Variants in XRCC4 observed in about 807,000 individuals in gnomAD.
XRCC4 encodes the protein X-ray repair cross complementing 4.
Under a neutral mutation model 39.1 loss-of-function variants are expected in XRCC4, and 28 were observed. That is an observed-to-expected ratio of 0.72 (90% confidence interval 0.53 to 0.98). The LOEUF (loss-of-function observed/expected upper bound fraction) is 0.98, where lower values mean the gene tolerates loss of function less well. Among genes scored for constraint, XRCC4 ranks in the 50% least tolerant of loss-of-function variants. The probability of loss-of-function intolerance (pLI) is 0.00; values close to 1 mark genes in which losing one functional copy is unlikely to be tolerated. For synonymous variants in XRCC4, 123 were observed against 126.4 expected, an observed-to-expected ratio of 0.97 and a Z score of 0.18; for missense variants, 350 against 376.4, an observed-to-expected ratio of 0.93 and a Z score of 0.58.
chr5:83,371,545 G>C, the XRCC4 span, among the ~76,000 whole-genome samples: 8 of 152,302 alleles, frequency 5.3e-5, 1 homozygote, highest in East Asian at 1.4e-3. Flanking sequence ...ATCTGAGAGA[G>C]TGAGGGAGCT....
chr5:83,302,112 AATTTCAAGCCAGT>A (rs1318301822), intron 7 of XRCC4, among the ~76,000 whole-genome samples: 2 of 152,112 alleles, frequency 1.3e-5, no homozygotes, highest in Admixed American at 6.5e-5. Context: ...TGGCAGCAAG[AATTTCAAGCCAGT>A]GGATCCTAGC....
intron 2 of XRCC4, among the ~76,000 whole-genome samples, chr5:83,106,411 C>A (rs138659463): frequency 6.6e-6 from 1 of 151,926 alleles, no homozygotes; most frequent in Non-Finnish European, 1.5e-5. Flanking sequence ...TGGCAAATGG[C>A]GTATTCTGTA....
chr5:83,104,724 A>G (rs1746111404), intron 1 of XRCC4, among the ~76,000 whole-genome samples, 186 bp from the exon 2 acceptor site: 1 of 152,190 alleles, frequency 6.6e-6, no homozygotes, highest in African/African-American at 2.4e-5. Flanking sequence ...GAAAACTGTG[A>G]ATTTACTGAA....
intron 6 of XRCC4, among the ~76,000 whole-genome samples, chr5:83,209,275 C>G (rs1039267127): frequency 1.3e-5 from 2 of 151,962 alleles, no homozygotes; most frequent in African/African-American, 4.8e-5. Context: ...AGAACCTCAA[C>G]AAAATATGTA....
chr5:83,228,157 A>G lies in XRCC4; in HGVS notation c.745+23236A>G, dbSNP rs976048325. Among the ~76,000 whole-genome samples the G allele has an allele frequency of 5.3e-5, 8 of 152,074 alleles. 1 individual carries two copies. The highest frequency in any genetic ancestry group is 3.9e-4 in the Admixed American group (6 of 15,228). ...AACTAGGTATCTATATTTTAAAACTATGCATTTCCTTTATTTATTAAAATG... is the reference window on the plus strand; with the variant it reads ...AACTAGGTATCTATATTTTAAAACTGTGCATTTCCTTTATTTATTAAAATG... On this transcript the variant is annotated intron_variant, in intron 6 of 7. Coordinates refer to ENST00000396027, the MANE Select transcript of XRCC4 (RefSeq NM_003401.5).
At chr5:83,344,373 A>G (rs941421827) in intron 7 of XRCC4, among the ~76,000 whole-genome samples, 2 of 150,374 alleles carry the variant, frequency 1.3e-5, no homozygotes, top group African/African-American at 4.9e-5. Flanking sequence ...AGTAGCTAGC[A>G]CTACAGATGT....
chr5:83,127,491 T>G (rs974799913), intron 3 of XRCC4, among the ~76,000 whole-genome samples: 2 of 152,126 alleles, frequency 1.3e-5, no homozygotes, highest in Non-Finnish European at 2.9e-5. Flanking sequence ...GCCTTTCACC[T>G]TCTGCCATGA....
At chr5:83,234,418 A>T (rs1266164460) in intron 6 of XRCC4, among the ~76,000 whole-genome samples, 1 of 152,058 alleles carries the variant, frequency 6.6e-6, no homozygotes. Flanking sequence ...AATTTTAGAC[A>T]TGAGGTCTCA....
intron 7 of XRCC4, among the ~76,000 whole-genome samples, chr5:83,333,872 C>T (rs1164577571): frequency 6.6e-6 from 1 of 151,592 alleles, no homozygotes; most frequent in Non-Finnish European, 1.5e-5. Context: ...CAGGTTCAAG[C>T]GATTCCCCTG....
At chr5:83,249,361 T>C (rs1349663856) in intron 6 of XRCC4, among the ~76,000 whole-genome samples, 1 of 152,164 alleles carries the variant, frequency 6.6e-6, no homozygotes, top group Non-Finnish European at 1.5e-5. Flanking sequence ...TTAGGACATG[T>C]CTAGTGTTGC....
At chr5:83,309,075 C>A (rs1054098125) in intron 7 of XRCC4, among the ~76,000 whole-genome samples, 66 of 150,174 alleles carry the variant, frequency 4.4e-4, no homozygotes, top group African/African-American at 1.6e-3. Context: ...GTCAGGAGAT[C>A]GAGACCATCC....
rs369970969 is a variant in XRCC4 at position 83,353,118 on chromosome 5, T to G, written c.894-13T>G. 273 of 1,563,166 alleles carry G rather than the reference T, an allele frequency of 1.7e-4. No individual in the cohort carries two copies. The highest frequency in any genetic ancestry group is 2.1e-4 in the Non-Finnish European group (249 of 1,160,394). ...TAAAAATAAAACTATTTTGATTTTC[T>G]TTTCAGTTCTAGGCCTGATTCTTCA... On this transcript the variant is annotated splice_polypyrimidine_tract_variant and intron_variant, in intron 7 of 7. Coordinates refer to ENST00000396027, the MANE Select transcript of XRCC4 (RefSeq NM_003401.5).
intron 7 of XRCC4, among the ~76,000 whole-genome samples, chr5:83,296,188 T>A (rs181950741): frequency 1.3e-5 from 2 of 152,244 alleles, no homozygotes; most frequent in African/African-American, 4.8e-5. Context: ...AAGTTACATA[T>A]CTCTCTTGAG....
chr5:83,197,661 C>A (rs748056850), intron 4 of XRCC4, among the ~76,000 whole-genome samples: 8 of 152,122 alleles, frequency 5.3e-5, no homozygotes, highest in Admixed American at 2.0e-4. Context: ...TCTGGACTAT[C>A]CAGCAAGTGC....
the XRCC4 span, among the ~76,000 whole-genome samples, chr5:83,372,552 G>A: frequency 1.3e-5 from 2 of 152,092 alleles, no homozygotes; most frequent in Non-Finnish European, 2.9e-5. Context: ...AAATCCATAT[G>A]CACATTCAGT....
the XRCC4 span, among the ~76,000 whole-genome samples, chr5:83,364,130 C>A: frequency 2.8e-4 from 43 of 152,118 alleles, no homozygotes; most frequent in Non-Finnish European, 2.1e-4. Flanking sequence ...GTGAACTAAC[C>A]TTTTATTCCC....
intron 6 of XRCC4, among the ~76,000 whole-genome samples, chr5:83,236,104 GGC>G (rs1387305088): frequency 6.6e-6 from 1 of 152,046 alleles, no homozygotes; most frequent in East Asian, 1.9e-4. Flanking sequence ...CCATGTTCAT[GGC>G]TTGCGAGAAT....
chr5:83,196,010 T>A, intron 4 of XRCC4, 74 bp downstream of exon 4: 1 of 1,421,856 alleles, frequency 7.0e-7, no homozygotes, highest in East Asian at 2.3e-5. Context: ...AGTTAATGAT[T>A]GGTAAATTTC....
chr5:83,294,352 T>A (rs187817679), intron 7 of XRCC4, among the ~76,000 whole-genome samples: 2 of 152,174 alleles, frequency 1.3e-5, no homozygotes, highest in East Asian at 3.9e-4. Context: ...AATGTTGGTA[T>A]TTTGAACAAA....
Sources: gnomAD v4.1 joint callset for allele counts (sites outside exome capture counted in the v4.1 genomes callset) on GRCh38, gnomAD v4.1.1 for gene constraint, MANE v1.5 for transcripts, NCBI Gene and HGNC (gene_info 2026-07-23, HGNC 2026-07-21) for gene names.